Variants in DENND1B observed in about 807,000 individuals in gnomAD.
The protein encoded by DENND1B is DENN domain-containing protein 1B.
In DENND1B, 59 loss-of-function variants were observed where a neutral mutation model predicts 90.1. The ratio of observed to expected loss-of-function variants is 0.65; its 90% confidence interval spans 0.53 to 0.81. The LOEUF (loss-of-function observed/expected upper bound fraction) is 0.81. Among genes scored for constraint, DENND1B ranks in the 40% least tolerant of loss-of-function variants. The pLI, the probability that DENND1B is intolerant of heterozygous loss-of-function variation, is 0.00. For missense variants in DENND1B, 862 were observed against 912.6 expected (o/e 0.94, Z 0.71); for synonymous variants, 337 against 324.6 (o/e 1.04, Z -0.41).
At chr1:197,728,212 T>G in intron 2 of DENND1B, among the ~76,000 whole-genome samples, 1 of 152,168 alleles carries the variant, frequency 6.6e-6, no homozygotes, top group East Asian at 1.9e-4. Flanking sequence ...ACTCCCCAGG[T>G]GATTCTTATG....
At chr1:197,732,237 T>G (rs943474838) in intron 2 of DENND1B, among the ~76,000 whole-genome samples, 8 of 152,308 alleles carry the variant, frequency 5.3e-5, no homozygotes, top group African/African-American at 1.4e-4. Flanking sequence ...TATGGTCAAC[T>G]AATTATTAGT....
At chr1:197,724,186 C>G (rs561509297) in intron 2 of DENND1B, among the ~76,000 whole-genome samples, 3 of 152,074 alleles carry the variant, frequency 2.0e-5, no homozygotes, top group African/African-American at 7.2e-5. Context: ...ATACTAACTA[C>G]AAAAATGACT....
At chr1:197,561,895 T>C (rs1266481831) in intron 15 of DENND1B, among the ~76,000 whole-genome samples, 3 of 151,844 alleles carry the variant, frequency 2.0e-5, no homozygotes, top group Non-Finnish European at 4.4e-5. Flanking sequence ...TCTCATCATA[T>C]CTTCAATCAA....
chr1:197,610,540 T>C lies in DENND1B; in HGVS notation c.819+1391A>G, dbSNP rs1327462282. Among the ~76,000 whole-genome samples, 4 of 150,760 alleles carry C rather than the reference T, an allele frequency of 2.7e-5. No individual in the cohort carries two copies. The East Asian group carries it at 5.9e-4, about 22-fold the overall frequency. On this transcript the variant is annotated intron_variant, in intron 12 of 22. Coordinates refer to ENST00000620048, the MANE Select transcript of DENND1B (RefSeq NM_001195215.2). ...ATAAATAAACATGTTATAAAAATTATGTATCCTATTAGATTCATTAAGAAG... is the reference window on the plus strand; with the variant it reads ...ATAAATAAACATGTTATAAAAATTACGTATCCTATTAGATTCATTAAGAAG...
chr1:197,635,226 TA>T (rs1679680219), intron 10 of DENND1B, among the ~76,000 whole-genome samples: 1 of 152,240 alleles, frequency 6.6e-6, no homozygotes, highest in South Asian at 2.1e-4. Flanking sequence ...CACTATAATG[TA>T]ATTAATAATT....
rs545106826 is a variant in DENND1B at position 197,505,395 on chromosome 1, A to T, written c.*5065T>A. 1 of 151,848 alleles carries T rather than the reference A, an allele frequency of 6.6e-6. No individual in the cohort carries two copies. The highest frequency in any genetic ancestry group is 1.9e-4 in the East Asian group (1 of 5,142). The allele number at this position is 151,848 out of a possible 1,614,324, so 9.4% of individuals were successfully genotyped here. A position where few individuals can be genotyped will look rare whatever the true frequency, so the allele number is the denominator to read the frequency against. The stretch of plus-strand genomic sequence containing the variant: ...AAGGCTCACATTTGAGAAATGAAAT[A>T]ACAGAGATGAATAGACTTATAGGTT... On this transcript the variant is annotated 3_prime_UTR_variant, in exon 23 of 23. Transcript: ENST00000620048.
chr1:197,717,651 A>G (rs1660769062), intron 2 of DENND1B, among the ~76,000 whole-genome samples: 1 of 152,022 alleles, frequency 6.6e-6, no homozygotes, highest in Non-Finnish European at 1.5e-5. Flanking sequence ...TGATTTGCAC[A>G]TCATCAACAT....
chr1:197,762,335 TG>T (rs1655178275), intron 2 of DENND1B, among the ~76,000 whole-genome samples: 2 of 152,158 alleles, frequency 1.3e-5, no homozygotes, highest in South Asian at 4.2e-4. Context: ...GGCACAATCT[TG>T]GCTCACTGCA....
intron 2 of DENND1B, among the ~76,000 whole-genome samples, chr1:197,743,379 G>A (rs1398877204): frequency 7.4e-6 from 1 of 134,816 alleles, no homozygotes; most frequent in Admixed American, 7.6e-5. Flanking sequence ...GTGTGCAATA[G>A]CATTATGTCT....
At chr1:197,689,708 C>G (rs955129033) in intron 3 of DENND1B, 2 of 153,200 alleles carry the variant, frequency 1.3e-5, no homozygotes, top group African/African-American at 4.8e-5. Context: ...GCTACAGTAG[C>G]ATTTGTGCCA....
chr1:197,534,112 G>A lies in DENND1B; in HGVS notation c.1515+5852C>T, dbSNP rs1669707363. 1.9e-3 allele frequency among the ~76,000 whole-genome samples: 2 copies of A among 1,068 alleles called. 1 individual carries two copies. The highest frequency in any genetic ancestry group is 1.9e-3 in the African/African-American group (2 of 1,048). 0.7% of individuals were successfully genotyped at this position (1,068 alleles called of 152,430 possible). A position where few individuals can be genotyped will look rare whatever the true frequency, so the allele number is the denominator to read the frequency against. On this transcript the variant is annotated intron_variant, in intron 20 of 22. Coordinates refer to ENST00000620048, the MANE Select transcript of DENND1B (RefSeq NM_001195215.2). ...AAAACAAACAACCCCATCAAAAAGT[G>A]GGCGAAGGACATGAACAGACACTTC... is the stretch of plus-strand genomic sequence containing the variant.
intron 14 of DENND1B, among the ~76,000 whole-genome samples, chr1:197,587,920 T>G (rs1674852811): frequency 6.6e-6 from 1 of 152,036 alleles, no homozygotes; most frequent in African/African-American, 2.4e-5. Context: ...GGCATTAGAT[T>G]CTCATAAGGA....
rs145333921 is a variant in DENND1B at position 197,732,274 on chromosome 1, G to A, written c.83-17200C>T. ...CAAAACTTAAGAGTGCTGCACAACA[G>A]CTCACCACCCATTCCTAACTGGCCC... is the stretch of plus-strand genomic sequence containing the variant. On this transcript the variant is annotated intron_variant, in intron 2 of 22. Coordinates refer to ENST00000620048, the MANE Select transcript of DENND1B (RefSeq NM_001195215.2). Among the ~76,000 whole-genome samples the A allele has an allele frequency of 1.4e-4, 22 of 152,212 alleles. 1 individual carries two copies. The East Asian group carries it at 3.9e-3, about 27-fold the overall frequency.
At chr1:197,625,681 A>C (rs1678626530) in intron 10 of DENND1B, among the ~76,000 whole-genome samples, 3 of 152,252 alleles carry the variant, frequency 2.0e-5, no homozygotes, top group South Asian at 4.1e-4. Flanking sequence ...CTTTAAATGT[A>C]AATGGACTAA....
At chr1:197,772,712 C>T (rs753105289) in intron 2 of DENND1B, among the ~76,000 whole-genome samples, 156 bp downstream of exon 2, 1 of 152,136 alleles carries the variant, frequency 6.6e-6, no homozygotes, top group Non-Finnish European at 1.5e-5. Flanking sequence ...GTAGCTCCAG[C>T]TACTCGGGAG....
At chr1:197,724,280 A>C (rs1661434510) in intron 2 of DENND1B, among the ~76,000 whole-genome samples, 3 of 152,140 alleles carry the variant, frequency 2.0e-5, no homozygotes, top group Admixed American at 1.3e-4. Context: ...TAAAATGAAA[A>C]ATACATTAAA....
chr1:197,577,333 A>T (rs1356295901), intron 15 of DENND1B, among the ~76,000 whole-genome samples: 1 of 152,134 alleles, frequency 6.6e-6, no homozygotes, highest in East Asian at 1.9e-4. Context: ...TTTTGGAAAA[A>T]TGCAGAATGC....
chr1:197,714,181 G>T (rs996968479), intron 3 of DENND1B, among the ~76,000 whole-genome samples: 11 of 151,116 alleles, frequency 7.3e-5, no homozygotes, highest in African/African-American at 2.4e-4. Context: ...CACCATGTTA[G>T]TCAGGCTGGT....
intron 15 of DENND1B, among the ~76,000 whole-genome samples, chr1:197,566,986 T>C (rs1437832715): frequency 6.6e-6 from 1 of 151,840 alleles, no homozygotes; most frequent in African/African-American, 2.4e-5. Flanking sequence ...TGACAGTAAA[T>C]AAAGACAGAA....
Sources: gnomAD v4.1 joint callset for allele counts (sites outside exome capture counted in the v4.1 genomes callset) on GRCh38, gnomAD v4.1.1 for gene constraint, MANE v1.5 for transcripts, NCBI Gene and HGNC (gene_info 2026-07-23, HGNC 2026-07-21) for gene names.